Variants in MAP10 observed in about 807,000 individuals in gnomAD.
MAP10 encodes microtubule-associated protein 10.
A neutral mutation model predicts 6.3 loss-of-function variants in MAP10; 10 were observed. The ratio of observed to expected loss-of-function variants is 1.58; its 90% CI spans 0.98 to 2.69. The LOEUF (loss-of-function observed/expected upper bound fraction) is 2.69. Ranked by LOEUF, MAP10 falls within the 30% of genes most tolerant of loss-of-function variation. MAP10 has a pLI of 0.00. For missense variants in MAP10, 1,189 were observed against 1,086.5 expected (o/e 1.09, Z -1.33); for synonymous variants, 459 against 429.3 (o/e 1.07, Z -0.86).
chr1:232,807,072 C>CTG, the MAP10 span: 14 of 1,612,294 alleles, frequency 8.7e-6, no homozygotes, highest in Non-Finnish European at 1.1e-5. Context: ...TTCCGTCATC[C>CTG]AAAGTTAAAC....
In MAP10 at chr1:232,807,242, C is replaced by G. The variant is rs1571896961; in HGVS notation, c.1793C>G (p.Thr598Ser). The change falls in exon 1 of 1, where the codon ACT becomes AGT. Residue 598 changes from threonine to serine, a missense_variant. Coordinates refer to ENST00000418460, the MANE Select transcript of MAP10 (RefSeq NM_019090.3). ...TSKETKLKYA[T>S]EKKTVDCSKN... Reference sequence around the variant, plus strand: ...AAAGAAACTAAACTGAAATATGCAACTGAAAAAAAGACAGTTGATTGTAGT... The same window carrying G: ...AAAGAAACTAAACTGAAATATGCAAGTGAAAAAAAGACAGTTGATTGTAGT... The G allele has an allele frequency of 1.2e-6, 2 of 1,612,688 alleles. No individual in the cohort carries two copies. The highest frequency in any genetic ancestry group is 4.5e-5 in the East Asian group (2 of 44,848).
Position 232,807,399 on chromosome 1 carries a change from C to T in MAP10, c.1950C>T (p.Phe650=). 6.2e-7 allele frequency: 1 copy of T among 1,613,764 alleles called. No individual in the cohort carries two copies. Among genetic ancestry groups the T allele is most frequent in the Non-Finnish European group, 8.5e-7 (1 of 1,179,808 alleles). ...VEMKIQSPCV[F]QQDAVVDRIV... ...TGAAAATCCAAAGTCCATGTGTTTTCCAACAGGATGCTGTTGTTGACAGAA... is the reference window on the plus strand; with the variant it reads ...TGAAAATCCAAAGTCCATGTGTTTTTCAACAGGATGCTGTTGTTGACAGAA... Residue 650 remains phenylalanine (F), a synonymous_variant, in exon 1 of 1, where the codon TTC becomes TTT. Coordinates refer to ENST00000418460, the MANE Select transcript of MAP10 (RefSeq NM_019090.3).
In MAP10 at chr1:232,809,817, T is replaced by C. The variant is rs1412511745; in HGVS notation, c.*1650T>C. Among the ~76,000 whole-genome samples the C allele has an allele frequency of 6.6e-6, 1 of 152,114 alleles. No individual in the cohort carries two copies. Among genetic ancestry groups the C allele is most frequent in the Non-Finnish European group, 1.5e-5 (1 of 67,946 alleles). On this transcript the variant is annotated 3_prime_UTR_variant, in exon 1 of 1. Coordinates refer to ENST00000418460, the MANE Select transcript of MAP10 (RefSeq NM_019090.3). ...TATAACATTTCACAAAATCAAAATATTGTAATGCCAGGTATTGTAACTAGA... is the reference window on the plus strand; with the variant it reads ...TATAACATTTCACAAAATCAAAATACTGTAATGCCAGGTATTGTAACTAGA...
In MAP10 at chr1:232,809,924, T is replaced by C. The variant is rs1231104992; in HGVS notation, c.*1757T>C. ...AGAGACAATAAAAATATAAGCAATA[T>C]CAGAATCATCAAAGAAATAATTCCT... is the stretch of plus-strand genomic sequence containing the variant. On this transcript the variant is annotated 3_prime_UTR_variant, in exon 1 of 1. Coordinates refer to ENST00000418460, the MANE Select transcript of MAP10 (RefSeq NM_019090.3). Among the ~76,000 whole-genome samples the C allele has an allele frequency of 6.6e-6, 1 of 152,108 alleles. No individual in the cohort carries two copies. The highest frequency in any genetic ancestry group is 1.5e-5 in the Non-Finnish European group (1 of 67,958).
rs1478687437 is a variant in MAP10 at position 232,806,117 on chromosome 1, CACAGCCAAGCCCAAA to C, written c.670_684del (p.Gln224_Lys228del). The C allele has an allele frequency of 6.2e-7, 1 of 1,613,912 alleles. No homozygotes were observed. The highest frequency in any genetic ancestry group is 1.3e-5 in the African/African-American group (1 of 74,936). On this transcript the variant is annotated inframe_deletion, in exon 1 of 1. Coordinates refer to ENST00000418460, the MANE Select transcript of MAP10 (RefSeq NM_019090.3). ...AGACAGCAGCTGCAGCAGCCAGCCT[CACAGCCAAGCCCAAA>C]AGAGGCTGATAAGCCGCTGGGGGAG... is the stretch of plus-strand genomic sequence containing the variant.
In MAP10 at chr1:232,805,572, A is replaced by G. The variant is rs776847774; in HGVS notation, c.123A>G (p.Glu41=). The stretch of plus-strand genomic sequence containing the variant: ...TGGAGCAGGAGGAGGAAGAGGAGGA[A>G]AAGGAGCAGGGGGAGGCCTCGTCGC... ...AAVEQEEEEE[E]KEQGEASSPR... The change falls in exon 1 of 1, where the codon GAA becomes GAG. Residue 41 remains glutamate (E), a synonymous_variant. Transcript: ENST00000418460. 1 of 1,557,228 alleles carries G rather than the reference A, an allele frequency of 6.4e-7. No homozygotes were observed. The highest frequency in any genetic ancestry group is 2.4e-5 in the East Asian group (1 of 41,474).
rs1315578567 is a variant in MAP10 at position 232,806,838 on chromosome 1, T to A, written c.1389T>A (p.Leu463=). 4.3e-6 allele frequency: 7 copies of A among 1,613,188 alleles called. No homozygotes were observed. Among genetic ancestry groups the A allele is most frequent in the Non-Finnish European group, 5.9e-6 (7 of 1,179,648 alleles). Residue 463 remains leucine, a synonymous_variant, in exon 1 of 1, where the codon CTT becomes CTA. Transcript: ENST00000418460. The stretch of plus-strand genomic sequence containing the variant: ...GGGGATGTGAAAAGTCAGTGAGTCT[T>A]CAGTATAAAAAGAACCAAATTGAAA... ...SVGGCEKSVS[L]QYKKNQIENY... is the part of the protein sequence containing the mutation.
Position 232,805,653 on chromosome 1 carries a change from G to C in MAP10, c.204G>C (p.Leu68Phe), listed in dbSNP as rs755158966. ...GCCTGCTGGACTTCCCCACGCTGTTGGTTTACCCTCCTGACGGCCCCGGCG... is the reference window on the plus strand; with the variant it reads ...GCCTGCTGGACTTCCCCACGCTGTTCGTTTACCCTCCTGACGGCCCCGGCG... ...AFRLLDFPTL[L>F]VYPPDGPGAP... Residue 68 changes from leucine to phenylalanine, a missense_variant, in exon 1 of 1, where the codon TTG becomes TTC. Coordinates refer to ENST00000418460, the MANE Select transcript of MAP10 (RefSeq NM_019090.3). 7.5e-6 allele frequency: 12 copies of C among 1,591,966 alleles called. No individual in the cohort carries two copies. The Admixed American group carries it at 1.7e-4, about 23-fold the overall frequency.
At position 232,805,842 on chromosome 1, in the gene MAP10, C is replaced by T. The variant is rs750949456; in HGVS notation, c.393C>T (p.Leu131=). 5.7e-6 allele frequency: 9 copies of T among 1,590,254 alleles called. No individual in the cohort carries two copies. The highest frequency in any genetic ancestry group is 5.2e-5 in the Admixed American group (3 of 57,612). The change falls in exon 1 of 1, where the codon CTC becomes CTT. Residue 131 remains leucine (L), a synonymous_variant. Coordinates refer to ENST00000418460, the MANE Select transcript of MAP10 (RefSeq NM_019090.3). ...GGCGCCCGACGCCCACCCCACAGCT[C>T]CTGGGGGCCTGCGACATTTCGCTGG... is the stretch of plus-strand genomic sequence containing the variant. ...PPGRPTPTPQ[L]LGACDISLAT...
chr1:232,805,651 T>C lies in MAP10; in HGVS notation c.202T>C (p.Leu68=). The change falls in exon 1 of 1, where the codon TTG becomes CTG. Residue 68 remains leucine, a synonymous_variant. Transcript: ENST00000418460. ...CCGCCTGCTGGACTTCCCCACGCTG[T>C]TGGTTTACCCTCCTGACGGCCCCGG... is the stretch of plus-strand genomic sequence containing the variant. ...AFRLLDFPTL[L]VYPPDGPGAP... is the part of the protein sequence containing the mutation. 6.3e-7 allele frequency: 1 copy of C among 1,591,278 alleles called. No individual in the cohort carries two copies. Among genetic ancestry groups the C allele is most frequent in the Non-Finnish European group, 8.5e-7 (1 of 1,172,278 alleles).
chr1:232,806,142 T>C lies in MAP10; in HGVS notation c.693T>C (p.Asp231=). The C allele has an allele frequency of 9.3e-6, 15 of 1,613,990 alleles. No individual in the cohort carries two copies. Among genetic ancestry groups the C allele is most frequent in the Non-Finnish European group, 1.3e-5 (15 of 1,179,888 alleles). Reference sequence around the variant, plus strand: ...CACAGCCAAGCCCAAAAGAGGCTGATAAGCCGCTGGGGGAGTTAGAAATCC... The same window carrying C: ...CACAGCCAAGCCCAAAAGAGGCTGACAAGCCGCTGGGGGAGTTAGAAATCC... ...PASQPSPKEA[D]KPLGELEIPE... is the part of the protein sequence containing the mutation. The change falls in exon 1 of 1, where the codon GAT becomes GAC. Residue 231 remains aspartate (D), a synonymous_variant. Coordinates refer to ENST00000418460, the MANE Select transcript of MAP10 (RefSeq NM_019090.3).
the MAP10 span, chr1:232,805,592 C>A: frequency 6.4e-7 from 1 of 1,556,002 alleles, no homozygotes; most frequent in African/African-American, 1.4e-5. Flanking sequence ...GGGGAGGCCT[C>A]GTCGCCGCGC....
In MAP10 at chr1:232,807,852, A is replaced by G. The variant is rs759638464; in HGVS notation, c.2403A>G (p.Ser801=). The G allele has an allele frequency of 1.9e-6, 3 of 1,613,612 alleles. No individual in the cohort carries two copies. The highest frequency in any genetic ancestry group is 4.5e-5 in the East Asian group (2 of 44,876). The change falls in exon 1 of 1, where the codon TCA becomes TCG. Residue 801 remains serine, a synonymous_variant. Coordinates refer to ENST00000418460, the MANE Select transcript of MAP10 (RefSeq NM_019090.3). ...GTATCTCTGCTAGTGATTTATCTTC[A>G]ACACATTGGACTGAACAAAAAGAAA... The part of the protein sequence containing the change: ...ASSISASDLS[S]THWTEQKENQ...
rs1243346454 is a variant in MAP10 at position 232,806,682 on chromosome 1, A to G, written c.1233A>G (p.Gln411=). The change falls in exon 1 of 1, where the codon CAA becomes CAG. Residue 411 remains glutamine (Q), a synonymous_variant. Coordinates refer to ENST00000418460, the MANE Select transcript of MAP10 (RefSeq NM_019090.3). ...LLVELSLLYD[Q]PVTSPAHIHP... Reference sequence around the variant, plus strand: ...TTGAGTTGTCCTTGTTATATGACCAACCTGTGACAAGTCCTGCTCATATAC... The same window carrying G: ...TTGAGTTGTCCTTGTTATATGACCAGCCTGTGACAAGTCCTGCTCATATAC... The G allele has an allele frequency of 4.3e-6, 7 of 1,613,758 alleles. No individual in the cohort carries two copies.
chr1:232,805,453 G>C lies in MAP10; in HGVS notation c.4G>C (p.Ala2Pro). 6.2e-7 allele frequency: 1 copy of C among 1,608,808 alleles called. No homozygotes were observed. Among genetic ancestry groups the C allele is most frequent in the Non-Finnish European group, 8.5e-7 (1 of 1,177,814 alleles). ...GGCGTTTCCTGGGGCAACAGCAATG[G>C]CGGCCTCGCTGTCCGAGCGGCTCTT... Reference protein sequence around the residue: MAASLSERLFSL... With the variant: MPASLSERLFSL... Residue 2 changes from alanine to proline, a missense_variant, in exon 1 of 1, where the codon GCG becomes CCG. Ala to Pro is a conservative substitution (Grantham distance 27). Coordinates refer to ENST00000418460, the MANE Select transcript of MAP10 (RefSeq NM_019090.3).
Position 232,807,155 on chromosome 1 carries a change from T to G in MAP10, c.1706T>G (p.Phe569Cys). The change falls in exon 1 of 1, where the codon TTC becomes TGC. Residue 569 changes from phenylalanine (F) to cysteine (C), a missense_variant. Coordinates refer to ENST00000418460, the MANE Select transcript of MAP10 (RefSeq NM_019090.3). ...AAGTATTTAGATTCAGATGCATCTT[T>G]CACTGAAAATAGTGATACCTCAAGA... ...EDKYLDSDAS[F>C]TENSDTSRQI... is the part of the protein sequence containing the mutation. 6.2e-7 allele frequency: 1 copy of G among 1,612,812 alleles called. No individual in the cohort carries two copies. The highest frequency in any genetic ancestry group is 8.5e-7 in the Non-Finnish European group (1 of 1,179,196).
chr1:232,809,826 C>T lies in MAP10; in HGVS notation c.*1659C>T, dbSNP rs1246336152. Among the ~76,000 whole-genome samples the T allele has an allele frequency of 6.6e-6, 1 of 151,858 alleles. No individual in the cohort carries two copies. The highest frequency in any genetic ancestry group is 1.5e-5 in the Non-Finnish European group (1 of 67,896). On this transcript the variant is annotated 3_prime_UTR_variant, in exon 1 of 1. Transcript: ENST00000418460. Reference sequence around the variant, plus strand: ...TCACAAAATCAAAATATTGTAATGCCAGGTATTGTAACTAGATGTTTAATG... The same window carrying T: ...TCACAAAATCAAAATATTGTAATGCTAGGTATTGTAACTAGATGTTTAATG...
At position 232,807,843 on chromosome 1, in the gene MAP10, T is replaced by G. The variant is rs1666135911; in HGVS notation, c.2394T>G (p.Asp798Glu). ...AAGCATCTAGTATCTCTGCTAGTGA[T>G]TTATCTTCAACACATTGGACTGAAC... ...LEEASSISAS[D>E]LSSTHWTEQK... Residue 798 changes from aspartate to glutamate, a missense_variant, in exon 1 of 1, where the codon GAT becomes GAG. Physicochemically the swap from Asp to Glu is conservative, Grantham distance 45. Transcript: ENST00000418460. The G allele has an allele frequency of 6.2e-7, 1 of 1,613,536 alleles. No individual in the cohort carries two copies. The highest frequency in any genetic ancestry group is 1.1e-5 in the South Asian group (1 of 91,030).
rs1304989881 is a variant in MAP10, at chr1:232,805,587, G to C, written c.138G>C (p.Glu46Asp). Reference protein sequence around the residue: ...EEEEEEKEQGEASSPRGLCPA... With the variant: ...EEEEEEKEQGDASSPRGLCPA... ...AAGAGGAGGAAAAGGAGCAGGGGGA[G>C]GCCTCGTCGCCGCGCGGTCTGTGCC... The change falls in exon 1 of 1, where the codon GAG becomes GAC. Residue 46 changes from glutamate to aspartate, a missense_variant. By Grantham distance (45) the Glu-to-Asp change is conservative. Coordinates refer to ENST00000418460, the MANE Select transcript of MAP10 (RefSeq NM_019090.3). The C allele has an allele frequency of 3.9e-6, 6 of 1,556,132 alleles. No individual in the cohort carries two copies. The highest frequency in any genetic ancestry group is 1.4e-5 in the African/African-American group (1 of 73,426).
Sources: gnomAD v4.1 joint callset for allele counts (sites outside exome capture counted in the v4.1 genomes callset) on GRCh38, gnomAD v4.1.1 for gene constraint, MANE v1.5 for transcripts, NCBI Gene and HGNC (gene_info 2026-07-23, HGNC 2026-07-21) for gene names.